Variants in AGMO observed in about 807,000 individuals in gnomAD.
AGMO encodes the protein glyceryl-ether monooxygenase.
AGMO carries 75 observed loss-of-function variants against 60.2 expected under a neutral mutation model. The ratio of observed to expected loss-of-function variants is 1.25; its 90% CI spans 1.03 to 1.51. The LOEUF is 1.51. AGMO is among the 40% of genes most tolerant of loss of function. AGMO has a pLI of 0.00. For synonymous variants in AGMO, 261 were observed against 177.1 expected, an observed-to-expected ratio of 1.47 and a Z score of -3.76; for missense variants, 763 against 525.5, an observed-to-expected ratio of 1.45 and a Z score of -4.42.
intron 12 of AGMO, among the ~76,000 whole-genome samples, chr7:15,359,655 A>C (rs1423356257): frequency 6.6e-6 from 1 of 152,174 alleles, no homozygotes; most frequent in Non-Finnish European, 1.5e-5. Context: ...CATTTTATTT[A>C]TCCTAAAATA....
Position 15,212,670 on chromosome 7 carries a change from G to A in AGMO, c.1264-11311C>T, listed in dbSNP as rs566944402. ...TAACAAGGTTCTTACAAGGGTAAGC[G>A]ATGAATCATCTTCATCTAGCAGGTA... On this transcript the variant is annotated intron_variant, in intron 12 of 12. Coordinates refer to ENST00000342526, the MANE Select transcript of AGMO (RefSeq NM_001004320.2). Among the ~76,000 whole-genome samples the A allele has an allele frequency of 5.3e-4, 80 of 152,020 alleles. 1 individual carries two copies. The Middle Eastern group carries it at 0.014, about 26-fold the overall frequency.
At chr7:15,199,838 T>C (rs112358248), downstream of AGMO, among the ~76,000 whole-genome samples, 22 of 152,330 alleles carry the variant, frequency 1.4e-4, no homozygotes, top group African/African-American at 5.3e-4. Context: ...CCACTTCTGA[T>C]ACTTGAGATA....
chr7:15,288,180 C>T (rs879724028), intron 12 of AGMO, among the ~76,000 whole-genome samples: 3 of 151,980 alleles, frequency 2.0e-5, no homozygotes, highest in Admixed American at 6.6e-5. Context: ...CCCAGCACCA[C>T]GCCCGGCTAA....
chr7:15,459,599 TTG>T (rs754526222), intron 3 of AGMO, among the ~76,000 whole-genome samples: 9 of 142,194 alleles, frequency 6.3e-5, no homozygotes, highest in Admixed American at 6.9e-5. Context: ...GTATGTGCGT[TTG>T]TGTGTGTGTG....
At chr7:15,216,833 A>AGAGTGTGT (rs1554396206) in intron 12 of AGMO, among the ~76,000 whole-genome samples, 3 of 147,024 alleles carry the variant, frequency 2.0e-5, no homozygotes, top group Non-Finnish European at 4.5e-5. Context: ...TGAAAGAAAA[A>AGAGTGTGT]GTGTGTGTGT....
At chr7:15,374,133 A>AAATCATAACC (rs1783344736) in intron 10 of AGMO, among the ~76,000 whole-genome samples, 2 of 152,158 alleles carry the variant, frequency 1.3e-5, no homozygotes, top group African/African-American at 4.8e-5. Flanking sequence ...ATCCAATGTG[A>AAATCATAACC]CACCATACTG....
intron 12 of AGMO, among the ~76,000 whole-genome samples, chr7:15,341,728 G>C (rs1021562093): frequency 3.9e-5 from 6 of 152,054 alleles, no homozygotes; most frequent in Admixed American, 2.0e-4. Context: ...ATTTATAAAG[G>C]AACAAGGTTT....
At chr7:15,239,944 G>A (rs995533483) in intron 12 of AGMO, among the ~76,000 whole-genome samples, 8 of 152,036 alleles carry the variant, frequency 5.3e-5, no homozygotes, top group Non-Finnish European at 1.2e-4. Context: ...CATGCATTTT[G>A]AAATTAGCAT....
Position 15,394,001 on chromosome 7 carries a change from G to T in AGMO, c.676+112C>A, listed in dbSNP as rs1159087449. The T allele has an allele frequency of 7.4e-6, 4 of 537,184 alleles. No homozygotes were observed. In the Admixed American group the frequency reaches 1.2e-4, roughly 16 times the overall value. 33.3% of individuals were successfully genotyped at this position (537,184 alleles called of 1,614,324 possible). On this transcript the variant is annotated intron_variant, in intron 6 of 12. Transcript: ENST00000342526. ...GAAAAGAAGAAACTATTATTTATTTGTAAAATGTGTGCTGACTATATTGGG... is the reference window on the plus strand; with the variant it reads ...GAAAAGAAGAAACTATTATTTATTTTTAAAATGTGTGCTGACTATATTGGG...
rs183039548 is a variant in AGMO, at chr7:15,334,977, C to T, written c.1263+30537G>A. On this transcript the variant is annotated intron_variant, in intron 12 of 12. Coordinates refer to ENST00000342526, the MANE Select transcript of AGMO (RefSeq NM_001004320.2). ...AAAGTCATGCACCAAAATTAAATGT[C>T]TGTTTGGATTTTTATTGGAGATGGA... Among the ~76,000 whole-genome samples, 106 of 152,174 alleles carry T rather than the reference C, an allele frequency of 7.0e-4. 1 individual carries two copies. The highest frequency in any genetic ancestry group is 1.1e-3 in the Non-Finnish European group (73 of 67,996).
rs536570685 is a variant in AGMO at position 15,362,246 on chromosome 7, A to G, written c.1263+3268T>C. Among the ~76,000 whole-genome samples, 8 of 152,308 alleles carry G rather than the reference A, an allele frequency of 5.3e-5. No homozygotes were observed. The South Asian group carries it at 1.7e-3, about 32-fold the overall frequency. ...AACACAGATTTGAAATTCATAATTA[A>G]TAATATAAGAATTGGTAACTGGTTG... On this transcript the variant is annotated intron_variant, in intron 12 of 12. Coordinates refer to ENST00000342526, the MANE Select transcript of AGMO (RefSeq NM_001004320.2).
At chr7:15,203,452 G>A (rs532883136) in intron 12 of AGMO, among the ~76,000 whole-genome samples, 5 of 151,458 alleles carry the variant, frequency 3.3e-5, no homozygotes, top group South Asian at 4.2e-4. Flanking sequence ...AATTCCTACC[G>A]AAAATGCAGT....
At chr7:15,329,848 G>A (rs141341261) in intron 12 of AGMO, among the ~76,000 whole-genome samples, 3 of 152,050 alleles carry the variant, frequency 2.0e-5, no homozygotes, top group Non-Finnish European at 4.4e-5. Context: ...CATATCCCAC[G>A]AGCATCCTTA....
intron 6 of AGMO, among the ~76,000 whole-genome samples, chr7:15,392,508 A>C (rs1784185061): frequency 6.6e-6 from 1 of 152,034 alleles, no homozygotes; most frequent in Non-Finnish European, 1.5e-5. Context: ...TAAAAGTCAA[A>C]AATGCTTTTA....
At chr7:15,310,935 CCTT>C (rs1164022519) in intron 12 of AGMO, among the ~76,000 whole-genome samples, 1 of 152,010 alleles carries the variant, frequency 6.6e-6, no homozygotes, top group African/African-American at 2.4e-5. Context: ...AATAGTGAGT[CCTT>C]CTCAGATCAC....
chr7:15,293,485 G>A (rs564270783), intron 12 of AGMO, among the ~76,000 whole-genome samples: 31 of 152,184 alleles, frequency 2.0e-4, no homozygotes, highest in African/African-American at 6.7e-4. Context: ...CGTAATCCTA[G>A]TAAAGTTCAG....
rs543008381 is a variant in AGMO at position 15,458,745 on chromosome 7, T to A, written c.410-27637A>T. On this transcript the variant is annotated intron_variant, in intron 3 of 12. Transcript: ENST00000342526. ...ACCTCTGCTTTATCTAAGAGAAAAC[T>A]GAGCATCAAAAGGGATTAGTGAATT... Among the ~76,000 whole-genome samples the A allele has an allele frequency of 1.9e-3, 287 of 152,218 alleles. 1 individual carries two copies. The highest frequency in any genetic ancestry group is 3.3e-3 in the Non-Finnish European group (222 of 68,016).
intron 12 of AGMO, among the ~76,000 whole-genome samples, chr7:15,301,218 C>T (rs899979973): frequency 5.9e-5 from 9 of 152,104 alleles, no homozygotes; most frequent in African/African-American, 2.2e-4. Flanking sequence ...GCAGGTGGAT[C>T]ACTTGAGGTC....
chr7:15,387,329 G>T, intron 9 of AGMO, 77 bp downstream of exon 9: 11 of 1,489,778 alleles, frequency 7.4e-6, no homozygotes, highest in Non-Finnish European at 1.0e-5. Context: ...CATGAAAACA[G>T]CGTATGTACA....
Sources: gnomAD v4.1 joint callset for allele counts (sites outside exome capture counted in the v4.1 genomes callset) on GRCh38, gnomAD v4.1.1 for gene constraint, MANE v1.5 for transcripts, NCBI Gene and HGNC (gene_info 2026-07-23, HGNC 2026-07-21) for gene names.